Variants in NUP210 observed in about 807,000 individuals in gnomAD.
NUP210 encodes nuclear pore membrane glycoprotein 210.
Under a neutral mutation model 196.0 loss-of-function variants are expected in NUP210, and 151 were observed. That is an observed-to-expected ratio of 0.77 (90% CI 0.67 to 0.88). The LOEUF is 0.88. Among genes scored for constraint, NUP210 ranks in the 40% least tolerant of loss-of-function variants. NUP210 has a pLI of 0.00. For missense variants in NUP210, 2,314 were observed against 2,493.7 expected, an observed-to-expected ratio of 0.93 and a Z score of 1.53; for synonymous variants, 1,070 against 1,052.7, an observed-to-expected ratio of 1.02 and a Z score of -0.32.
intron 28 of NUP210, among the ~76,000 whole-genome samples, chr3:13,335,109 A>G (rs1396848761): frequency 6.6e-6 from 1 of 152,212 alleles, no homozygotes; most frequent in Non-Finnish European, 1.5e-5. Flanking sequence ...ATAAACACAA[A>G]CGATTAAATT....
rs985237082 is a variant in NUP210 at position 13,323,661 on chromosome 3, C to T, written c.4645-229G>A. On this transcript the variant is annotated intron_variant, in intron 33 of 39. Coordinates refer to ENST00000254508, the MANE Select transcript of NUP210 (RefSeq NM_024923.4). This position sits in a 1 kb window ranked among gnomAD's most constrained non-coding sequence, Gnocchi z 4.3. ...TTCTCCCATTGAACAAGCTGCTTCC[C>T]CCAGCAGCTGACTGGACGCTGAGCA... Among the ~76,000 whole-genome samples the T allele has an allele frequency of 1.3e-5, 2 of 152,220 alleles. No homozygotes were observed. Among genetic ancestry groups the T allele is most frequent in the African/African-American group, 4.8e-5 (2 of 41,452 alleles).
intron 3 of NUP210, among the ~76,000 whole-genome samples, chr3:13,393,707 G>A (rs1465446310): frequency 6.6e-6 from 1 of 152,232 alleles, no homozygotes; most frequent in African/African-American, 2.4e-5. Context: ...GGTGGCAAGG[G>A]GGAAGGGAAA....
At chr3:13,372,731 G>A (rs1054644373) in intron 12 of NUP210, among the ~76,000 whole-genome samples, 11 of 152,174 alleles carry the variant, frequency 7.2e-5, no homozygotes, top group Admixed American at 5.2e-4. Context: ...ACCTGGCGAA[G>A]CACTGGCCTG....
At chr3:13,344,118 A>G (rs563900815) in intron 20 of NUP210, among the ~76,000 whole-genome samples, 1 of 152,308 alleles carries the variant, frequency 6.6e-6, no homozygotes, top group East Asian at 1.9e-4. Flanking sequence ...ACGGGATCAC[A>G]GCTCACTACA....
At chr3:13,387,204 T>G (rs1052008174) in intron 5 of NUP210, among the ~76,000 whole-genome samples, 1 of 152,260 alleles carries the variant, frequency 6.6e-6, no homozygotes, top group Non-Finnish European at 1.5e-5. Flanking sequence ...GATTCTCCTT[T>G]AAGCCTGCTG....
intron 15 of NUP210, 143 bp from the exon 16 acceptor site, chr3:13,358,538 T>C: frequency 2.5e-6 from 2 of 785,820 alleles, no homozygotes; most frequent in Non-Finnish European, 4.0e-6. Flanking sequence ...TGCCACAGGG[T>C]CTTAACAAAG....
At position 13,343,216 on chromosome 3, in the gene NUP210, C is replaced by G. The variant is rs776615650; in HGVS notation, c.2923G>C (p.Val975Leu). ...ATGTACAGCTCCTGAATGTCCGACA[C>G]GTAAACGACAGCCTTGGCTGGGGCC... is the stretch of plus-strand genomic sequence containing the variant. ...FPAPAKAVVY[V>L]SDIQELYIRV... The change falls in exon 21 of 40, where the codon GTG becomes CTG. Residue 975 changes from valine (V) to leucine (L), a missense_variant. Physicochemically the swap from Val to Leu is conservative, Grantham distance 32 (BLOSUM62 1). Transcript: ENST00000254508. 3.1e-6 allele frequency: 5 copies of G among 1,613,966 alleles called. No individual in the cohort carries two copies.
rs760524898 is a variant in NUP210 at position 13,366,021 on chromosome 3, C to A, written c.1857G>T (p.Thr619=). Residue 619 remains threonine, a synonymous_variant, in exon 14 of 40, where the codon ACG becomes ACT. Coordinates refer to ENST00000254508, the MANE Select transcript of NUP210 (RefSeq NM_024923.4). The stretch of plus-strand genomic sequence containing the variant: ...GGCCGTGTCTGTAGCTCACAAGAAG[C>A]GTGGTAGAGCCCTGGGCCTCGGCCT... ...RVKAEAQGST[T]LLVSYRHGHV... is the part of the protein sequence containing the mutation. The A allele has an allele frequency of 2.5e-6, 4 of 1,614,064 alleles. No individual in the cohort carries two copies. Among genetic ancestry groups the A allele is most frequent in the Middle Eastern group, 1.6e-4 (1 of 6,084 alleles).
At chr3:13,324,919 C>T (rs1333334986) in intron 33 of NUP210, among the ~76,000 whole-genome samples, 1 of 152,232 alleles carries the variant, frequency 6.6e-6, no homozygotes, top group Non-Finnish European at 1.5e-5. Context: ...CCTCACAACG[C>T]TATCATCCCC....
chr3:13,402,791 A>G (rs1161690503), intron 1 of NUP210, among the ~76,000 whole-genome samples: 2 of 152,220 alleles, frequency 1.3e-5, no homozygotes, highest in African/African-American at 4.8e-5. Flanking sequence ...AACTGAATAG[A>G]AAGTATAGAT....
In NUP210 at chr3:13,379,203, C is replaced by T. The variant is rs1264666736; in HGVS notation, c.977-223G>A. Among the ~76,000 whole-genome samples, 2 of 152,216 alleles carry T rather than the reference C, an allele frequency of 1.3e-5. No individual in the cohort carries two copies. The highest frequency in any genetic ancestry group is 4.8e-5 in the African/African-American group (2 of 41,450). On this transcript the variant is annotated intron_variant, in intron 7 of 39. Coordinates refer to ENST00000254508, the MANE Select transcript of NUP210 (RefSeq NM_024923.4). This position sits in a 1 kb window ranked among gnomAD's most constrained non-coding sequence, Gnocchi z 4.2. Reference sequence around the variant, plus strand: ...CAAAGGGGAATCTCTGTGAGGGACACTGGAGACCGCACAGGACACAACAAC... The same window carrying T: ...CAAAGGGGAATCTCTGTGAGGGACATTGGAGACCGCACAGGACACAACAAC...
At position 13,340,789 on chromosome 3, in the gene NUP210, G is replaced by A. The variant is rs759096221; in HGVS notation, c.3229-491C>T. Among the ~76,000 whole-genome samples the A allele has an allele frequency of 3.9e-5, 6 of 152,060 alleles. No homozygotes were observed. The highest frequency in any genetic ancestry group is 8.8e-5 in the Non-Finnish European group (6 of 67,978). On this transcript the variant is annotated intron_variant, in intron 23 of 39. Transcript: ENST00000254508. This position sits in a 1 kb window ranked among gnomAD's most constrained non-coding sequence, Gnocchi z 4.0. ...AGGTTGCTCTTCTAGCACACCCTCC[G>A]GATTAGCCTGGGAGGAGACCAGGGA...
rs1697435121 is a variant in NUP210 at position 13,340,576 on chromosome 3, G to A, written c.3229-278C>T. Among the ~76,000 whole-genome samples, 1 of 152,170 alleles carries A rather than the reference G, an allele frequency of 6.6e-6. No individual in the cohort carries two copies. The highest frequency in any genetic ancestry group is 2.4e-5 in the African/African-American group (1 of 41,446). On this transcript the variant is annotated intron_variant, in intron 23 of 39. Transcript: ENST00000254508. This position sits in a 1 kb window ranked among gnomAD's most constrained non-coding sequence, Gnocchi z 4.0. ...ACCCAAAAGCTGGGCCGTCCCCTTG[G>A]AGGGATGGCTTTTATGCAGTTGAGC...
Position 13,379,363 on chromosome 3 carries a change from C to T in NUP210, c.976+200G>A, listed in dbSNP as rs546686636. Among the ~76,000 whole-genome samples, 3 of 152,246 alleles carry T rather than the reference C, an allele frequency of 2.0e-5. No homozygotes were observed. The highest frequency in any genetic ancestry group is 4.2e-4 in the South Asian group (2 of 4,816). On this transcript the variant is annotated intron_variant, in intron 7 of 39. Transcript: ENST00000254508. This position sits in a 1 kb window ranked among gnomAD's most constrained non-coding sequence, Gnocchi z 4.2. Reference sequence around the variant, plus strand: ...CTCAGCTCCTGCCATCACCTCCCACCGCTGGGAGCCTCTGGGGTGAGTCAC... The same window carrying T: ...CTCAGCTCCTGCCATCACCTCCCACTGCTGGGAGCCTCTGGGGTGAGTCAC...
chr3:13,351,661 T>G, intron 20 of NUP210: 1 of 464,294 alleles, frequency 2.2e-6, no homozygotes, highest in Non-Finnish European at 3.7e-6. Flanking sequence ...TAATTTTTGA[T>G]TTTTCTTTTT....
At chr3:13,385,884 T>C (rs1683630983) in intron 6 of NUP210, among the ~76,000 whole-genome samples, 1 of 152,188 alleles carries the variant, frequency 6.6e-6, no homozygotes, top group Admixed American at 6.5e-5. Flanking sequence ...ATTCCAACCC[T>C]TGCTACAACA....
At chr3:13,388,740 T>C (rs1008701068) in intron 4 of NUP210, among the ~76,000 whole-genome samples, 1 of 152,206 alleles carries the variant, frequency 6.6e-6, no homozygotes, top group Non-Finnish European at 1.5e-5. Flanking sequence ...GTGACGTAAA[T>C]ACTAACATGC....
rs916995242 is a variant in NUP210 at position 13,347,849 on chromosome 3, T to G, written c.2835+4030A>C. Among the ~76,000 whole-genome samples the G allele has an allele frequency of 6.6e-6, 1 of 152,168 alleles. No individual in the cohort carries two copies. The highest frequency in any genetic ancestry group is 2.4e-5 in the African/African-American group (1 of 41,446). ...TCCCTGGAAAATTCCTCCTGCAGGCTTCAGAAGAGACCAGAGGAACCAGGG... is the reference window on the plus strand; with the variant it reads ...TCCCTGGAAAATTCCTCCTGCAGGCGTCAGAAGAGACCAGAGGAACCAGGG... On this transcript the variant is annotated intron_variant, in intron 20 of 39. Coordinates refer to ENST00000254508, the MANE Select transcript of NUP210 (RefSeq NM_024923.4). This position sits in a 1 kb window ranked among gnomAD's most constrained non-coding sequence, Gnocchi z 4.7.
intron 8 of NUP210, 61 bp from the exon 9 acceptor site, chr3:13,377,623 T>C (rs1698959233): frequency 8.2e-7 from 1 of 1,218,294 alleles, no homozygotes; most frequent in Non-Finnish European, 1.2e-6. Flanking sequence ...TGGAGGAGGA[T>C]GGGACCACCA....
Sources: allele counts gnomAD v4.1 joint callset (sites outside exome capture counted in the v4.1 genomes callset), GRCh38; gene constraint gnomAD v4.1.1; non-coding constraint Gnocchi (gnomAD v3.1); transcripts MANE v1.5; gene names NCBI Gene and HGNC (gene_info 2026-07-23, HGNC 2026-07-21).